The following CDC42SE2 variants were observed in gnomAD, a reference collection of about 807,000 sequenced individuals.
The protein encoded by CDC42SE2 is CDC42 small effector 2, also known as CDC42 small effector protein 2.
A neutral mutation model predicts 11.5 loss-of-function variants in CDC42SE2; 3 were observed. The observed-to-expected ratio is 0.26, with a 90% CI of 0.12 to 0.67. The LOEUF (loss-of-function observed/expected upper bound fraction) is 0.67. Among genes scored for constraint, CDC42SE2 ranks in the 30% least tolerant of loss-of-function variants. CDC42SE2 has a pLI of 0.80. For synonymous variants in CDC42SE2, 33 were observed against 34.8 expected (o/e 0.95, Z 0.18); for missense variants, 82 against 106.8 (o/e 0.77, Z 1.02).
At chr5:131,231,083 TC>T in the CDC42SE2 span, among the ~76,000 whole-genome samples, 1 of 152,228 alleles carries the variant, frequency 6.6e-6, no homozygotes, top group Non-Finnish European at 1.5e-5. Context: ...AGTTTTTCTT[TC>T]TCCTTGCTGT....
intron 3 of CDC42SE2, among the ~76,000 whole-genome samples, chr5:131,369,761 C>T (rs1452725294): frequency 6.6e-6 from 1 of 152,124 alleles, no homozygotes; most frequent in Admixed American, 6.5e-5. Context: ...ACCCCAGTTC[C>T]ACACTTCCAC....
chr5:131,323,167 C>T (rs1322563398), intron 2 of CDC42SE2, among the ~76,000 whole-genome samples: 3 of 151,242 alleles, frequency 2.0e-5, no homozygotes, highest in Admixed American at 1.3e-4. Flanking sequence ...GCTGGGACCA[C>T]AGGCATGTGC....
chr5:131,241,242 G>A (rs1194622738), upstream of CDC42SE2, among the ~76,000 whole-genome samples: 1 of 152,118 alleles, frequency 6.6e-6, no homozygotes, highest in Admixed American at 6.6e-5. Context: ...GATTACAGGC[G>A]TGAGCCACCA....
chr5:131,337,623 C>T (rs1431804674), intron 2 of CDC42SE2, among the ~76,000 whole-genome samples: 6 of 152,330 alleles, frequency 3.9e-5, no homozygotes, highest in South Asian at 4.1e-4. Context: ...CCACCCAGTT[C>T]GAGCTTCCAG....
At position 131,362,016 on chromosome 5, in the gene CDC42SE2, C is replaced by T. The variant is rs149156702; in HGVS notation, c.54+2469C>T. On this transcript the variant is annotated intron_variant, in intron 3 of 4. Coordinates refer to ENST00000505065, the MANE Select transcript of CDC42SE2 (RefSeq NM_001375635.1). ...TTATAGGCCCAGGATGGGGGCACGG[C>T]GGGCCAGGGTGGTCTTGGAAAATGC... Among the ~76,000 whole-genome samples the T allele has an allele frequency of 8.6e-3, 1,312 of 152,142 alleles. 10 individuals are homozygous for T. Among genetic ancestry groups the T allele is most frequent in the Non-Finnish European group, 0.014 (970 of 67,998 alleles).
chr5:131,322,143 C>G (rs982404748), intron 2 of CDC42SE2, among the ~76,000 whole-genome samples: 1 of 152,124 alleles, frequency 6.6e-6, no homozygotes, highest in African/African-American at 2.4e-5. Context: ...AGCCACCACG[C>G]CTGGCAGAAA....
intron 3 of CDC42SE2, among the ~76,000 whole-genome samples, chr5:131,375,943 A>G (rs892412873): frequency 2.0e-5 from 3 of 152,080 alleles, no homozygotes; most frequent in Non-Finnish European, 4.4e-5. Context: ...GGACACTGTT[A>G]AGACTCCCAT....
chr5:131,289,552 A>G (rs558389958), intron 1 of CDC42SE2, among the ~76,000 whole-genome samples: 1 of 152,148 alleles, frequency 6.6e-6, no homozygotes, highest in South Asian at 2.1e-4. Context: ...ACGCGCCTGT[A>G]GTCCCAGCTA....
At chr5:131,279,025 T>C (rs1757176012) in intron 1 of CDC42SE2, among the ~76,000 whole-genome samples, 1 of 151,634 alleles carries the variant, frequency 6.6e-6, no homozygotes, top group Non-Finnish European at 1.5e-5. Context: ...CCTCAAGTGA[T>C]GCGCATGCCT....
At chr5:131,387,676 A>AT (rs1473555737) in intron 4 of CDC42SE2, among the ~76,000 whole-genome samples, 5 of 152,056 alleles carry the variant, frequency 3.3e-5, no homozygotes, top group African/African-American at 1.2e-4. Flanking sequence ...TTGGCTTACT[A>AT]TTTTTTTGCT....
intron 2 of CDC42SE2, among the ~76,000 whole-genome samples, chr5:131,348,767 C>T (rs1758921775): frequency 6.6e-6 from 1 of 152,168 alleles, no homozygotes; most frequent in Non-Finnish European, 1.5e-5. Context: ...GTAACCAAAA[C>T]AGCATGGTAC....
At chr5:131,299,632 A>G (rs904162750) in intron 1 of CDC42SE2, among the ~76,000 whole-genome samples, 3 of 152,316 alleles carry the variant, frequency 2.0e-5, no homozygotes, top group Non-Finnish European at 1.5e-5. Flanking sequence ...GAGCTGCACT[A>G]CATGCAGCTG....
the CDC42SE2 span, among the ~76,000 whole-genome samples, chr5:131,237,744 T>C: frequency 2.6e-5 from 4 of 152,066 alleles, no homozygotes; most frequent in Non-Finnish European, 4.4e-5. Context: ...CTCACCACCA[T>C]GGCCCAGCTA....
chr5:131,355,460 G>C (rs764739749), intron 2 of CDC42SE2, among the ~76,000 whole-genome samples: 3 of 151,874 alleles, frequency 2.0e-5, no homozygotes, highest in East Asian at 1.9e-4. Flanking sequence ...CTGGGCAACA[G>C]AGCTGAAACT....
chr5:131,254,334 G>T (rs945278110), intron 1 of CDC42SE2, among the ~76,000 whole-genome samples: 23 of 152,046 alleles, frequency 1.5e-4, no homozygotes, highest in Admixed American at 1.4e-3. Context: ...TTGAGGTTAG[G>T]AGTTCAAGAC....
the CDC42SE2 span, among the ~76,000 whole-genome samples, chr5:131,235,791 C>T: frequency 4.6e-5 from 7 of 151,914 alleles, no homozygotes; most frequent in African/African-American, 1.7e-4. Context: ...AATGGGGTTT[C>T]ACTATGTTGG....
chr5:131,319,222 C>G (rs931146313), intron 2 of CDC42SE2, among the ~76,000 whole-genome samples: 4 of 152,030 alleles, frequency 2.6e-5, no homozygotes, highest in African/African-American at 9.7e-5. Flanking sequence ...TGACTTTTCC[C>G]CCCACCCTCA....
intron 1 of CDC42SE2, among the ~76,000 whole-genome samples, chr5:131,309,926 T>C (rs2149723181): frequency 6.6e-6 from 1 of 151,892 alleles, no homozygotes; most frequent in East Asian, 1.9e-4. Flanking sequence ...TTTTGAAGGG[T>C]TTTTTGTGTC....
intron 3 of CDC42SE2, among the ~76,000 whole-genome samples, chr5:131,369,452 G>T (rs1749953492): frequency 6.6e-6 from 1 of 152,082 alleles, no homozygotes; most frequent in East Asian, 1.9e-4. Context: ...TGACATTACT[G>T]GGTCTAACAG....
Sources: allele counts gnomAD v4.1 joint callset (sites outside exome capture counted in the v4.1 genomes callset), GRCh38; gene constraint gnomAD v4.1.1; transcripts MANE v1.5; gene names NCBI Gene and HGNC (gene_info 2026-07-23, HGNC 2026-07-21).